The following SLC4A4 variants were observed in gnomAD, a reference collection of about 807,000 sequenced individuals.
SLC4A4 encodes electrogenic sodium bicarbonate cotransporter 1.
A neutral mutation model predicts 111.5 loss-of-function variants in SLC4A4; 27 were observed. That is an observed-to-expected ratio of 0.24 (90% CI 0.18 to 0.33). The LOEUF (loss-of-function observed/expected upper bound fraction) is 0.33. SLC4A4 is among the 10% of genes least tolerant of loss of function. The pLI is 1.00. For synonymous variants in SLC4A4, 443 were observed against 463.4 expected, an observed-to-expected ratio of 0.96 and a Z score of 0.57; for missense variants, 909 against 1,315.5, an observed-to-expected ratio of 0.69 and a Z score of 4.78.
At chr4:71,174,649 GAT>G (rs1745034599) in intron 2 of SLC4A4, among the ~76,000 whole-genome samples, 1 of 152,134 alleles carries the variant, frequency 6.6e-6, no homozygotes, top group Admixed American at 6.5e-5. Context: ...CTCAGAAAGA[GAT>G]ATTTTTTACT....
chr4:71,493,760 G>T (rs1381298523), intron 15 of SLC4A4, among the ~76,000 whole-genome samples: 3 of 148,982 alleles, frequency 2.0e-5, no homozygotes, highest in Non-Finnish European at 3.0e-5. Context: ...CCCCTAACCA[G>T]ATTATTTCTC....
At chr4:71,493,057 A>G (rs957176948) in intron 15 of SLC4A4, among the ~76,000 whole-genome samples, 11 of 151,944 alleles carry the variant, frequency 7.2e-5, no homozygotes, top group Admixed American at 6.6e-4. Context: ...CTTAGGTCTC[A>G]GTGCATTTTC....
intron 3 of SLC4A4, among the ~76,000 whole-genome samples, chr4:71,257,506 A>G (rs146964876): frequency 1.3e-5 from 2 of 152,202 alleles, no homozygotes; most frequent in Non-Finnish European, 2.9e-5. Context: ...TTTAAAAGTC[A>G]GAGTTTTTGC....
At chr4:71,228,014 A>G (rs1394114592) in intron 1 of SLC4A4, among the ~76,000 whole-genome samples, 1 of 152,196 alleles carries the variant, frequency 6.6e-6, no homozygotes, top group African/African-American at 2.4e-5. Flanking sequence ...CATTAAAAAT[A>G]TTAAGGAGCA....
At chr4:71,208,680 C>T (rs2045008) in intron 1 of SLC4A4, among the ~76,000 whole-genome samples, 42,392 of 151,588 alleles carry the variant, frequency 0.28, 9,211 homozygotes, top group African/African-American at 0.58. Context: ...TTTCCCATTA[C>T]GGCCTTTTCT....
chr4:71,428,575 G>C (rs865934734), intron 7 of SLC4A4, among the ~76,000 whole-genome samples: 1 of 151,920 alleles, frequency 6.6e-6, no homozygotes, highest in Non-Finnish European at 1.5e-5. Context: ...ACATGAGTTT[G>C]TTTGAAAAAT....
chr4:71,505,067 A>T (rs895432823), intron 16 of SLC4A4, among the ~76,000 whole-genome samples: 2 of 152,058 alleles, frequency 1.3e-5, no homozygotes, highest in Non-Finnish European at 2.9e-5. Context: ...ATCTTGTTCC[A>T]TTTTATGGCT....
At chr4:71,526,540 C>T (rs867610656) in intron 16 of SLC4A4, among the ~76,000 whole-genome samples, 9 of 152,020 alleles carry the variant, frequency 5.9e-5, no homozygotes, top group African/African-American at 1.7e-4. Context: ...AGTGCCATCA[C>T]GTATATACAT....
intron 18 of SLC4A4, among the ~76,000 whole-genome samples, chr4:71,536,457 C>CATACATATATATATATATAT (rs1553928530): frequency 3.2e-5 from 1 of 31,412 alleles, no homozygotes; most frequent in Non-Finnish European, 6.3e-5. Flanking sequence ...TACATATATA[C>CATACATATATATATATATAT]ATATATACAT....
intron 7 of SLC4A4, chr4:71,436,894 C>T (rs1264712140): frequency 2.6e-5 from 6 of 233,722 alleles, no homozygotes; most frequent in Non-Finnish European, 4.2e-5. Flanking sequence ...TGTGTGGCTG[C>T]TCTTTCCCAC....
intron 2 of SLC4A4, among the ~76,000 whole-genome samples, chr4:71,155,437 G>A (rs2630562): frequency 0.36 from 54,782 of 151,894 alleles, 14,898 homozygotes; most frequent in African/African-American, 0.75. Flanking sequence ...ACAATTAAGG[G>A]GAAGCTCCAT....
intron 1 of SLC4A4, among the ~76,000 whole-genome samples, chr4:71,222,298 C>G (rs1718791469): frequency 6.6e-6 from 1 of 152,206 alleles, no homozygotes; most frequent in African/African-American, 2.4e-5. Context: ...TTGCTGTTCT[C>G]TCACATAACT....
chr4:71,446,601 C>T (rs1323987017), intron 8 of SLC4A4, among the ~76,000 whole-genome samples: 1 of 152,206 alleles, frequency 6.6e-6, no homozygotes. Flanking sequence ...TCATTTTCCT[C>T]ACCATTAAAT....
intron 3 of SLC4A4, chr4:71,300,481 G>T (rs535658108): frequency 3.2e-5 from 8 of 249,238 alleles, no homozygotes; most frequent in Non-Finnish European, 5.7e-5. Flanking sequence ...CACAAGTTCT[G>T]CCCATGCTGA....
chr4:71,295,694 T>A (rs771824145), intron 3 of SLC4A4, among the ~76,000 whole-genome samples: 16 of 151,884 alleles, frequency 1.1e-4, no homozygotes, highest in Non-Finnish European at 2.2e-4. Flanking sequence ...AGTCTCGCTC[T>A]GTCACCCAGG....
At chr4:71,228,876 C>T (rs1249917594) in intron 1 of SLC4A4, among the ~76,000 whole-genome samples, 1 of 152,222 alleles carries the variant, frequency 6.6e-6, no homozygotes, top group African/African-American at 2.4e-5. Flanking sequence ...CATATTGGCA[C>T]TGATACAATT....
chr4:71,336,297 A>G lies in SLC4A4; in HGVS notation c.254-3073A>G, dbSNP rs146896908. On this transcript the variant is annotated intron_variant, in intron 3 of 25. Transcript: ENST00000264485. ...CGTAGTGCATGACTGTAAAAAAAAG[A>G]CTTTGCAAACTGAAATTATGCAAAA... Among the ~76,000 whole-genome samples, 396 of 152,334 alleles carry G rather than the reference A, an allele frequency of 2.6e-3. 2 individuals are homozygous for G. The highest frequency in any genetic ancestry group is 4.8e-3 in the Non-Finnish European group (327 of 68,034).
chr4:71,323,220 A>G (rs1458707905), intron 3 of SLC4A4, among the ~76,000 whole-genome samples: 2 of 152,048 alleles, frequency 1.3e-5, no homozygotes, highest in African/African-American at 4.8e-5. Flanking sequence ...GAACTTGCAC[A>G]TAAAGAAAAC....
At chr4:71,271,860 A>G (rs1722723918) in intron 3 of SLC4A4, among the ~76,000 whole-genome samples, 1 of 152,174 alleles carries the variant, frequency 6.6e-6, no homozygotes, top group Non-Finnish European at 1.5e-5. Context: ...TGCATATTTT[A>G]TTTTATTTAA....
Sources: allele counts gnomAD v4.1 joint callset (sites outside exome capture counted in the v4.1 genomes callset), GRCh38; gene constraint gnomAD v4.1.1; transcripts MANE v1.5; gene names NCBI Gene and HGNC (gene_info 2026-07-23, HGNC 2026-07-21).